ACO2: variants seen among roughly 807,000 people sequenced by gnomAD.
ACO2 encodes aconitase 2.
Under a neutral mutation model 84.5 loss-of-function variants are expected in ACO2, and 31 were observed. The observed-to-expected ratio is 0.37, with a 90% CI of 0.28 to 0.50. ACO2 has a LOEUF of 0.50. Among genes scored for constraint, ACO2 ranks in the 20% least tolerant of loss-of-function variants. The pLI is 0.97. For missense variants in ACO2, 685 were observed against 1,029.3 expected, an observed-to-expected ratio of 0.67 and a Z score of 4.58; for synonymous variants, 414 against 412.7, an observed-to-expected ratio of 1.00 and a Z score of -0.04.
At chr22:41,512,123 G>C (rs1046124464) in intron 4 of ACO2, 155 bp downstream of exon 4, 1 of 557,316 alleles carries the variant, frequency 1.8e-6, no homozygotes, top group East Asian at 3.4e-5. Flanking sequence ...TTTTGAAACT[G>C]ATTTTCATTA....
chr22:41,522,576 G>A (rs1227132444), intron 9 of ACO2, among the ~76,000 whole-genome samples: 1 of 152,198 alleles, frequency 6.6e-6, no homozygotes, highest in African/African-American at 2.4e-5. Flanking sequence ...TGTAAAAGGG[G>A]TCATAGTCCT....
At chr22:41,516,064 T>G in intron 6 of ACO2, 147 bp downstream of exon 6, 1 of 1,003,704 alleles carries the variant, frequency 1.0e-6, no homozygotes, top group Non-Finnish European at 1.5e-6. Context: ...AGAAGGAAAA[T>G]TGGAGACAGC....
intron 1 of ACO2, among the ~76,000 whole-genome samples, chr22:41,469,809 A>G (rs2037921097): frequency 7.0e-6 from 1 of 142,742 alleles, no homozygotes; most frequent in South Asian, 2.2e-4. Context: ...TGATTCCTGT[A>G]ATCGTAGGAA....
intron 8 of ACO2, among the ~76,000 whole-genome samples, chr22:41,519,804 T>C (rs1383589469): frequency 1.6e-5 from 2 of 122,338 alleles, no homozygotes; most frequent in Non-Finnish European, 3.1e-5. Context: ...CGAGACTCCA[T>C]CTCAAAAAAA....
At chr22:41,527,515 C>G in intron 16 of ACO2, 95 bp downstream of exon 16, 1 of 1,487,316 alleles carries the variant, frequency 6.7e-7, no homozygotes, top group African/African-American at 1.4e-5. Context: ...TGGTTCTAGG[C>G]TGTGTCCACT....
chr22:41,485,783 C>G (rs1264869181), intron 1 of ACO2, among the ~76,000 whole-genome samples: 2 of 151,996 alleles, frequency 1.3e-5, no homozygotes, highest in East Asian at 3.9e-4. Context: ...GACCGGGTTT[C>G]TCCATGTTGG....
intron 1 of ACO2, among the ~76,000 whole-genome samples, chr22:41,492,500 G>T (rs767940128): frequency 3.9e-5 from 6 of 152,078 alleles, no homozygotes; most frequent in Non-Finnish European, 8.8e-5. Context: ...TAGGCCAGGC[G>T]CAGTGGCTTA....
At chr22:41,471,464 T>C (rs1391423320) in intron 1 of ACO2, among the ~76,000 whole-genome samples, 6 of 152,202 alleles carry the variant, frequency 3.9e-5, no homozygotes, top group Non-Finnish European at 7.3e-5. Flanking sequence ...TTAATAGTCA[T>C]GTATGCAAAA....
intron 1 of ACO2, among the ~76,000 whole-genome samples, chr22:41,477,272 G>A (rs1418099532): frequency 6.6e-6 from 1 of 151,512 alleles, no homozygotes; most frequent in African/African-American, 2.4e-5. Flanking sequence ...TCCTGCCTCA[G>A]CCTCCTGCGT....
At chr22:41,505,002 A>C (rs557458850) in intron 2 of ACO2, among the ~76,000 whole-genome samples, 1 of 152,062 alleles carries the variant, frequency 6.6e-6, no homozygotes, top group African/African-American at 2.4e-5. Context: ...ATCGTGAGCC[A>C]CCACACCCAG....
chr22:41,499,618 G>A (rs2066339196), intron 1 of ACO2, 108 bp from the exon 2 acceptor site: 4 of 1,271,242 alleles, frequency 3.1e-6, no homozygotes, highest in South Asian at 2.8e-5. Context: ...TTACTGAACA[G>A]CTCTTGACAC....
At chr22:41,520,356 C>CACACAGTAGGCATAGG in intron 9 of ACO2, 80 bp downstream of exon 9, 1 of 1,132,014 alleles carries the variant, frequency 8.8e-7, no homozygotes, top group Non-Finnish European at 1.3e-6. Flanking sequence ...TCACCTATGC[C>CACACAGTAGGCATAGG]TACTGTGTGG....
chr22:41,497,782 C>T (rs932099544), intron 1 of ACO2, among the ~76,000 whole-genome samples: 2 of 152,004 alleles, frequency 1.3e-5, no homozygotes, highest in Non-Finnish European at 2.9e-5. Context: ...ACTTGGGAGG[C>T]TGAGACAGGA....
intron 7 of ACO2, among the ~76,000 whole-genome samples, chr22:41,518,250 C>T (rs570164547): frequency 1.3e-5 from 2 of 152,324 alleles, no homozygotes; most frequent in East Asian, 1.9e-4. Flanking sequence ...ACACCCTCCC[C>T]GGCTCTGAAC....
At chr22:41,507,748 G>C in intron 2 of ACO2, 43 bp from the exon 3 acceptor site, 1 of 1,586,342 alleles carries the variant, frequency 6.3e-7, no homozygotes, top group Non-Finnish European at 8.6e-7. Context: ...GGAGGAGGCC[G>C]TGCAGCTAGC....
intron 2 of ACO2, among the ~76,000 whole-genome samples, chr22:41,504,264 T>G (rs2066375539): frequency 6.6e-6 from 1 of 152,146 alleles, no homozygotes; most frequent in East Asian, 1.9e-4. Context: ...TTCTAAGAAT[T>G]TTTTAGAAGG....
At chr22:41,501,010 AT>A (rs199959557) in intron 2 of ACO2, among the ~76,000 whole-genome samples, 180 of 143,814 alleles carry the variant, frequency 1.3e-3, no homozygotes, top group African/African-American at 3.2e-3. Context: ...AGCTGGGACT[AT>A]TTTTTTTTTT....
In ACO2 at chr22:41,523,865, T is replaced by C. The variant is rs1158952392; in HGVS notation, c.1406T>C (p.Val469Ala). ...DIKKGEKNTI[V>A]TSYNRNFTGR... ...AAGAAGGGGGAGAAGAACACAATCG[T>C]CACCTCCTACAACAGGAACTTCACG... The change falls in exon 12 of 18, where the codon GTC becomes GCC. Residue 469 changes from valine (V) to alanine (A), a missense_variant. By Grantham distance (64) the Val-to-Ala change is moderately conservative (BLOSUM62 0). Around this residue, in one of 5 missense-constraint regions of ACO2, gnomAD observed 311 missense variants for 441.6 expected, o/e 0.70. Transcript: ENST00000216254. 1 of 1,612,150 alleles carries C rather than the reference T, an allele frequency of 6.2e-7. No individual in the cohort carries two copies.
chr22:41,478,877 TCTC>T (rs2038053277), intron 1 of ACO2, among the ~76,000 whole-genome samples: 1 of 151,752 alleles, frequency 6.6e-6, no homozygotes. Context: ...CTCAAGCAAT[TCTC>T]CTGCCTCAGC....
Sources: gnomAD v4.1 joint callset for allele counts (sites outside exome capture counted in the v4.1 genomes callset) on GRCh38, gnomAD v4.1.1 for gene constraint, gnomAD v4.1.1 regional missense constraint, MANE v1.5 for transcripts, NCBI Gene and HGNC (gene_info 2026-07-23, HGNC 2026-07-21) for gene names.